Variants in NKAIN3 observed in about 807,000 individuals in gnomAD.
NKAIN3 encodes sodium/potassium transporting ATPase interacting 3.
A neutral mutation model predicts 30.2 loss-of-function variants in NKAIN3; 25 were observed. The observed-to-expected ratio is 0.83, with a 90% CI of 0.60 to 1.16. NKAIN3 has a LOEUF of 1.16. Among genes scored for constraint, NKAIN3 ranks in the 50% most tolerant of loss-of-function variants. The pLI, the probability that NKAIN3 is intolerant of heterozygous loss-of-function variation, is 0.00. For missense variants in NKAIN3, 225 were observed against 254.1 expected, an observed-to-expected ratio of 0.89 and a Z score of 0.78; for synonymous variants, 91 against 89.6, an observed-to-expected ratio of 1.02 and a Z score of -0.09.
chr8:62,571,758 G>T (rs569441820), intron 1 of NKAIN3, among the ~76,000 whole-genome samples: 79 of 152,254 alleles, frequency 5.2e-4, no homozygotes, highest in African/African-American at 1.9e-3. Context: ...AGCTGTCAAG[G>T]CTTGGGGCTT....
At chr8:62,547,961 CTGA>C (rs1023693205) in intron 1 of NKAIN3, among the ~76,000 whole-genome samples, 1 of 152,168 alleles carries the variant, frequency 6.6e-6, no homozygotes, top group Non-Finnish European at 1.5e-5. Context: ...CCAGGTGATA[CTGA>C]TGTGGATGCT....
intron 5 of NKAIN3, among the ~76,000 whole-genome samples, chr8:62,935,134 C>A (rs1822744349): frequency 6.6e-6 from 1 of 152,128 alleles, no homozygotes. Flanking sequence ...CCCTTCCAAA[C>A]TAGCTGTTCA....
At chr8:62,947,376 T>C (rs117094829) in intron 5 of NKAIN3, among the ~76,000 whole-genome samples, 3 of 152,332 alleles carry the variant, frequency 2.0e-5, no homozygotes, top group East Asian at 3.9e-4. Flanking sequence ...ATTAAATTGA[T>C]ATATTTGAGC....
chr8:62,653,283 G>A (rs577640096), intron 3 of NKAIN3, among the ~76,000 whole-genome samples: 1 of 149,676 alleles, frequency 6.7e-6, no homozygotes, highest in African/African-American at 2.4e-5. Context: ...TTAAGTAGCA[G>A]AGAGAGAGAG....
chr8:62,349,469 G>A (rs983901609), intron 1 of NKAIN3, among the ~76,000 whole-genome samples: 1 of 152,154 alleles, frequency 6.6e-6, no homozygotes, highest in African/African-American at 2.4e-5. Context: ...TTAGTAATTT[G>A]TATACATTTA....
At chr8:62,885,175 T>C (rs889931125) in intron 4 of NKAIN3, among the ~76,000 whole-genome samples, 1 of 152,232 alleles carries the variant, frequency 6.6e-6, no homozygotes, top group Non-Finnish European at 1.5e-5. Context: ...AATTTTGTTG[T>C]TTTATTTTTA....
In NKAIN3 at chr8:62,341,198, A is replaced by G. The variant is rs150739173; in HGVS notation, c.54+92071A>G. The stretch of plus-strand genomic sequence containing the variant: ...GGGAATTTGATCTATTTGTGTATGT[A>G]ATTATGAGTTCAACAGGCATTGTTT... On this transcript the variant is annotated intron_variant, in intron 1 of 6. Transcript: ENST00000623646. Among the ~76,000 whole-genome samples the G allele has an allele frequency of 4.6e-5, 7 of 152,148 alleles. No homozygotes were observed. In the East Asian group the frequency reaches 1.4e-3, roughly 30 times the overall value.
At chr8:62,880,993 C>T (rs1820960527) in intron 4 of NKAIN3, among the ~76,000 whole-genome samples, 1 of 152,188 alleles carries the variant, frequency 6.6e-6, no homozygotes, top group Non-Finnish European at 1.5e-5. Flanking sequence ...ACTCTCTGTA[C>T]TTTCTGCTCA....
Position 62,258,061 on chromosome 8 carries a change from C to T in NKAIN3, c.54+8934C>T, listed in dbSNP as rs571820441. The stretch of plus-strand genomic sequence containing the variant: ...TTTTATTTTATTTTTTTACCTTTCT[C>T]TCACAAATTGTACCTGTGTTGTAGC... On this transcript the variant is annotated intron_variant, in intron 1 of 6. Transcript: ENST00000623646. 4.6e-5 allele frequency among the ~76,000 whole-genome samples: 7 copies of T among 152,044 alleles called. No individual in the cohort carries two copies. In the South Asian group the frequency reaches 1.0e-3, roughly 23 times the overall value.
chr8:62,547,541 G>C (rs1809057583), intron 1 of NKAIN3, among the ~76,000 whole-genome samples: 2 of 152,140 alleles, frequency 1.3e-5, no homozygotes, highest in African/African-American at 4.8e-5. Flanking sequence ...GAGGAGGTTA[G>C]AAATCTATAT....
intron 3 of NKAIN3, among the ~76,000 whole-genome samples, chr8:62,702,140 A>T (rs1199919129): frequency 2.0e-5 from 3 of 152,182 alleles, no homozygotes; most frequent in Non-Finnish European, 4.4e-5. Context: ...CAACCAAAGG[A>T]TGCTCAAAGT....
At chr8:62,852,666 T>C (rs918291273) in intron 4 of NKAIN3, among the ~76,000 whole-genome samples, 1 of 152,212 alleles carries the variant, frequency 6.6e-6, no homozygotes, top group African/African-American at 2.4e-5. Context: ...TTTGTTCTCG[T>C]TGGTTTCAAA....
intron 3 of NKAIN3, among the ~76,000 whole-genome samples, chr8:62,713,349 G>A (rs905218192): frequency 1.3e-5 from 2 of 152,186 alleles, no homozygotes; most frequent in South Asian, 2.1e-4. Context: ...CATCCAAAAC[G>A]TAGAACTACA....
At chr8:62,950,120 T>C (rs528018655) in intron 5 of NKAIN3, among the ~76,000 whole-genome samples, 2 of 152,330 alleles carry the variant, frequency 1.3e-5, no homozygotes, top group South Asian at 4.1e-4. Flanking sequence ...CCAAACATAA[T>C]TAAAAACTGA....
chr8:62,946,222 A>G (rs1823121378), intron 5 of NKAIN3, among the ~76,000 whole-genome samples: 1 of 152,126 alleles, frequency 6.6e-6, no homozygotes, highest in Non-Finnish European at 1.5e-5. Flanking sequence ...AAGTTATTTC[A>G]GGAAGGGGGT....
intron 4 of NKAIN3, among the ~76,000 whole-genome samples, chr8:62,910,270 A>T (rs1821892737): frequency 6.6e-6 from 1 of 152,148 alleles, no homozygotes; most frequent in African/African-American, 2.4e-5. Context: ...AGTTACATAG[A>T]ACTTAAGTAA....
chr8:62,697,215 A>G (rs1050897649), intron 3 of NKAIN3, among the ~76,000 whole-genome samples: 1 of 152,124 alleles, frequency 6.6e-6, no homozygotes, highest in Non-Finnish European at 1.5e-5. Flanking sequence ...GCCCTACATG[A>G]TCTACAGAGC....
chr8:62,712,445 G>A (rs1238621540), intron 3 of NKAIN3, among the ~76,000 whole-genome samples: 1 of 152,100 alleles, frequency 6.6e-6, no homozygotes, highest in African/African-American at 2.4e-5. Context: ...AAGATTCACA[G>A]GTCACTGAAG....
intron 4 of NKAIN3, among the ~76,000 whole-genome samples, chr8:62,829,457 A>C (rs2130742599): frequency 6.6e-6 from 1 of 152,306 alleles, no homozygotes; most frequent in South Asian, 2.1e-4. Flanking sequence ...GTGAAGAAAA[A>C]AATACCGTAA....
Sources: allele counts gnomAD v4.1 joint callset (sites outside exome capture counted in the v4.1 genomes callset), GRCh38; gene constraint gnomAD v4.1.1; transcripts MANE v1.5; gene names NCBI Gene and HGNC (gene_info 2026-07-23, HGNC 2026-07-21).